PLCXD3: variants seen among roughly 807,000 people sequenced by gnomAD.
PLCXD3 encodes the protein phosphatidylinositol specific phospholipase C X domain containing 3.
Under a neutral mutation model 25.5 loss-of-function variants are expected in PLCXD3, and 19 were observed. The observed-to-expected ratio is 0.75, with a 90% CI of 0.52 to 1.09. PLCXD3 has a LOEUF of 1.09. Ranked by LOEUF, PLCXD3 falls within the 50% of genes least tolerant of loss-of-function variation. PLCXD3 has a pLI of 0.00. For synonymous variants in PLCXD3, 174 were observed against 137.6 expected (o/e 1.26, Z -1.85); for missense variants, 411 against 388.1 (o/e 1.06, Z -0.50).
chr5:41,329,273 G>A lies in PLCXD3; in HGVS notation c.813-15503C>T, dbSNP rs114703030. On this transcript the variant is annotated intron_variant, in intron 2 of 2. Transcript: ENST00000377801. The stretch of plus-strand genomic sequence containing the variant: ...GTGAAAGTTTAAATGTCACTTCTTC[G>A]AAACACTAGTCAGAATTGTAATCGT... Among the ~76,000 whole-genome samples, 575 of 152,224 alleles carry A rather than the reference G, an allele frequency of 3.8e-3. 4 individuals carry two copies. The highest frequency in any genetic ancestry group is 0.013 in the African/African-American group (532 of 41,536).
intron 2 of PLCXD3, among the ~76,000 whole-genome samples, chr5:41,367,036 T>A (rs1744956270): frequency 6.6e-6 from 1 of 152,192 alleles, no homozygotes; most frequent in African/African-American, 2.4e-5. Context: ...ACTTAGTCTA[T>A]CATTGATGGG....
intron 1 of PLCXD3, among the ~76,000 whole-genome samples, chr5:41,483,869 CT>C (rs1748463320): frequency 6.6e-6 from 1 of 152,096 alleles, no homozygotes; most frequent in African/African-American, 2.4e-5. Context: ...TGGCCCTCCC[CT>C]ATCCAAAATA....
chr5:41,327,714 G>C (rs1743674291), intron 2 of PLCXD3, among the ~76,000 whole-genome samples: 1 of 152,114 alleles, frequency 6.6e-6, no homozygotes. Context: ...TTATAGAATG[G>C]TCTACTTTAG....
chr5:41,365,910 CATTTATTTATTTATTTATTT>C (rs71608604), intron 2 of PLCXD3, among the ~76,000 whole-genome samples: 235 of 147,610 alleles, frequency 1.6e-3, no homozygotes, highest in Middle Eastern at 6.9e-3. Context: ...AATAGGTCAC[CATTTATTTATTTATTTATTT>C]ATTTATTTAT....
chr5:41,437,721 A>G (rs1747288383), intron 1 of PLCXD3, among the ~76,000 whole-genome samples: 1 of 152,180 alleles, frequency 6.6e-6, no homozygotes, highest in African/African-American at 2.4e-5. Context: ...CGTACTGGCA[A>G]AAAGTTTGGA....
chr5:41,319,515 G>C (rs1231505759), intron 2 of PLCXD3, among the ~76,000 whole-genome samples: 1 of 151,994 alleles, frequency 6.6e-6, no homozygotes, highest in African/African-American at 2.4e-5. Context: ...ATGACCAGTG[G>C]GTCAATGAAG....
At chr5:41,343,390 T>C (rs1196707216) in intron 2 of PLCXD3, among the ~76,000 whole-genome samples, 2 of 152,256 alleles carry the variant, frequency 1.3e-5, no homozygotes, top group South Asian at 2.1e-4. Flanking sequence ...AAAAAATCAA[T>C]CCAAAGGCAA....
chr5:41,360,756 A>T (rs1254942524), intron 2 of PLCXD3, among the ~76,000 whole-genome samples: 3 of 152,242 alleles, frequency 2.0e-5, no homozygotes, highest in South Asian at 2.1e-4. Context: ...GCTCTGGTGG[A>T]GGTAGCAGGG....
intron 1 of PLCXD3, among the ~76,000 whole-genome samples, chr5:41,462,796 A>C (rs1008949374): frequency 6.6e-6 from 1 of 150,700 alleles, no homozygotes; most frequent in Non-Finnish European, 1.5e-5. Flanking sequence ...AAAAGAAAAA[A>C]AAAAGAAAAA....
intron 2 of PLCXD3, among the ~76,000 whole-genome samples, chr5:41,377,618 C>A (rs1745335600): frequency 6.6e-6 from 1 of 152,030 alleles, no homozygotes; most frequent in Non-Finnish European, 1.5e-5. Flanking sequence ...AAATAAAAAT[C>A]TGTGTCTTTT....
intron 2 of PLCXD3, among the ~76,000 whole-genome samples, chr5:41,329,111 G>A (rs1028583862): frequency 1.3e-5 from 2 of 152,122 alleles, no homozygotes; most frequent in Admixed American, 1.3e-4. Flanking sequence ...GAAACTTCTG[G>A]TTTGTTGTTG....
Position 41,510,424 on chromosome 5 carries a change from C to T in PLCXD3, c.103G>A (p.Gly35Arg). Residue 35 changes from glycine to arginine, a missense_variant and splice_region_variant, in exon 1 of 3, where the codon GGG (glycine) becomes AGG (arginine). Coordinates refer to ENST00000377801, the MANE Select transcript of PLCXD3 (RefSeq NM_001005473.3). The part of the protein sequence containing the change: ...SIPLTNLAIP[G>R]SHDSFSFYID... Reference sequence around the variant, plus strand: ...TAGCCCGCAGCCCCTGCGCGCCTACCTGGAATGGCTAAATTGGTGAGGGGG... The same window carrying T: ...TAGCCCGCAGCCCCTGCGCGCCTACTTGGAATGGCTAAATTGGTGAGGGGG... 6.2e-7 allele frequency: 1 copy of T among 1,607,750 alleles called. No individual in the cohort carries two copies. Among genetic ancestry groups the T allele is most frequent in the Non-Finnish European group, 8.5e-7 (1 of 1,177,110 alleles).
intron 2 of PLCXD3, among the ~76,000 whole-genome samples, chr5:41,330,979 A>C (rs912562900): frequency 6.6e-6 from 1 of 152,198 alleles, no homozygotes; most frequent in Admixed American, 6.5e-5. Context: ...ACAAAGCCAC[A>C]GCCAATATCA....
At chr5:41,397,336 T>C (rs951547441) in intron 1 of PLCXD3, among the ~76,000 whole-genome samples, 6 of 152,160 alleles carry the variant, frequency 3.9e-5, no homozygotes, top group Non-Finnish European at 8.8e-5. Context: ...TAGGTACAGC[T>C]TGGGACATTT....
At chr5:41,336,770 A>G (rs1024104214) in intron 2 of PLCXD3, among the ~76,000 whole-genome samples, 1 of 152,150 alleles carries the variant, frequency 6.6e-6, no homozygotes, top group African/African-American at 2.4e-5. Context: ...AAGATCCCCC[A>G]CAGCTCCTGC....
intron 1 of PLCXD3, among the ~76,000 whole-genome samples, chr5:41,498,972 C>T (rs373859414): frequency 3.2e-4 from 49 of 151,402 alleles, no homozygotes; most frequent in East Asian, 1.6e-3. Flanking sequence ...TGATAAAAAA[C>T]GCTCAACAAA....
intron 2 of PLCXD3, among the ~76,000 whole-genome samples, chr5:41,314,494 CA>C (rs890460682): frequency 2.6e-5 from 4 of 152,060 alleles, no homozygotes; most frequent in African/African-American, 9.7e-5. Flanking sequence ...AAAAATGGAG[CA>C]AAGAAAAGAA....
chr5:41,374,952 G>A (rs184319481), intron 2 of PLCXD3, among the ~76,000 whole-genome samples: 85 of 152,158 alleles, frequency 5.6e-4, no homozygotes, highest in Admixed American at 5.0e-3. Context: ...CAACCTCTAA[G>A]TGAGGCTTTT....
chr5:41,453,105 GAT>G (rs1747673619), intron 1 of PLCXD3, among the ~76,000 whole-genome samples: 1 of 151,872 alleles, frequency 6.6e-6, no homozygotes, highest in Non-Finnish European at 1.5e-5. Flanking sequence ...GATCTCTTGA[GAT>G]TATTCCTCGT....
Sources: gnomAD v4.1 joint callset for allele counts (sites outside exome capture counted in the v4.1 genomes callset) on GRCh38, gnomAD v4.1.1 for gene constraint, MANE v1.5 for transcripts, NCBI Gene and HGNC (gene_info 2026-07-23, HGNC 2026-07-21) for gene names.